ATP7B: variants seen among roughly 807,000 people sequenced by gnomAD.
ATP7B encodes ATPase copper transporting beta, also known as copper-transporting ATPase 2.
A neutral mutation model predicts 118.9 loss-of-function variants in ATP7B; 113 were observed. The observed-to-expected ratio is 0.95, with a 90% CI of 0.82 to 1.11. The LOEUF (loss-of-function observed/expected upper bound fraction) is 1.11, where lower values mean the gene tolerates loss of function less well. Ranked by LOEUF, ATP7B falls within the 50% of genes most tolerant of loss-of-function variation. The probability of loss-of-function intolerance (pLI) is 0.00; values close to 1 mark genes in which losing one functional copy is unlikely to be tolerated. For synonymous variants in ATP7B, 777 were observed against 727.4 expected (o/e 1.07, Z -1.10); for missense variants, 1,867 against 1,871.4 (o/e 1.00, Z 0.04).
intron 1 of ATP7B, among the ~76,000 whole-genome samples, chr13:51,995,077 CTT>C (rs1953136534): frequency 1.3e-5 from 2 of 152,120 alleles, no homozygotes. Flanking sequence ...TTGTGGAAAA[CTT>C]TTGCTTCATA....
chr13:52,001,048 T>C (rs1953469665), intron 1 of ATP7B, among the ~76,000 whole-genome samples: 1 of 152,042 alleles, frequency 6.6e-6, no homozygotes, highest in Non-Finnish European at 1.5e-5. Flanking sequence ...GAATTTAAAA[T>C]TAAAAAGTAA....
At chr13:51,970,847 C>G in intron 2 of ATP7B, 98 bp from the exon 3 acceptor site, 1 of 1,221,562 alleles carries the variant, frequency 8.2e-7, no homozygotes, top group African/African-American at 1.5e-5. Flanking sequence ...TTCATTGTCC[C>G]GGCTCCCACC....
intron 1 of ATP7B, among the ~76,000 whole-genome samples, chr13:51,988,986 C>T (rs537207886): frequency 6.6e-6 from 1 of 152,174 alleles, no homozygotes; most frequent in African/African-American, 2.4e-5. Context: ...AGCAAACCAC[C>T]ATGACACGTG....
Position 52,011,277 on chromosome 13 carries a change from C to G in ATP7B, c.51+10G>C, listed in dbSNP as rs775926866. ...AGCACGCTGCGCGGACGCGGGGGAA[C>G]AAAACTCACTTTCCGACTGGCCCCT... On this transcript the variant is annotated intron_variant, in intron 1 of 20. Coordinates refer to ENST00000242839, the MANE Select transcript of ATP7B (RefSeq NM_000053.4). 1 of 1,614,210 alleles carries G rather than the reference C, an allele frequency of 6.2e-7. No homozygotes were observed. The highest frequency in any genetic ancestry group is 1.1e-5 in the South Asian group (1 of 91,086).
At position 51,960,295 on chromosome 13, in the gene ATP7B, C is replaced by T. The variant is rs1483566898; in HGVS notation, c.1974G>A (p.Leu658=). Residue 658 remains leucine, a synonymous_variant, in exon 7 of 21, where the codon CTG becomes CTA. Coordinates refer to ENST00000242839, the MANE Select transcript of ATP7B (RefSeq NM_000053.4). ...AGGCCATGACAGGGATGCCAAACAC[C>T]AGGCTGCACAGGAAAGACTTCTTCC... The part of the protein sequence containing the change: ...KQWKKSFLCS[L]VFGIPVMALM... 1.2e-6 allele frequency: 2 copies of T among 1,613,598 alleles called. No homozygotes were observed. Among genetic ancestry groups the T allele is most frequent in the Non-Finnish European group, 1.7e-6 (2 of 1,179,866 alleles).
At chr13:51,957,669 T>G in intron 8 of ATP7B, 62 bp from the exon 9 acceptor site, 1 of 1,505,722 alleles carries the variant, frequency 6.6e-7, no homozygotes, top group Non-Finnish European at 9.2e-7. Flanking sequence ...AAACCCAGCC[T>G]GAGAGTCACA....
intron 9 of ATP7B, among the ~76,000 whole-genome samples, chr13:51,953,110 T>C (rs1361268278): frequency 6.6e-6 from 1 of 152,144 alleles, no homozygotes; most frequent in African/African-American, 2.4e-5. Context: ...GTAAATCTGT[T>C]TGGTGGCTGA....
chr13:52,008,135 A>C (rs1367003327), intron 1 of ATP7B, among the ~76,000 whole-genome samples: 1 of 152,172 alleles, frequency 6.6e-6, no homozygotes, highest in Middle Eastern at 3.4e-3. Flanking sequence ...AGATCAAGAG[A>C]TAGAGATGAC....
chr13:51,937,215 A>T (rs1387821778), intron 19 of ATP7B, 61 bp downstream of exon 19: 34 of 1,525,234 alleles, frequency 2.2e-5, no homozygotes, highest in Non-Finnish European at 2.8e-5. Context: ...CCCCAGCAGG[A>T]ACCTGGGAGA....
intron 1 of ATP7B, among the ~76,000 whole-genome samples, chr13:52,010,857 G>A (rs1953992609): frequency 6.6e-6 from 1 of 152,190 alleles, no homozygotes. Flanking sequence ...TTAAAAGACT[G>A]TCTTAATGTA....
intron 9 of ATP7B, among the ~76,000 whole-genome samples, chr13:51,955,316 G>A (rs115418502): frequency 3.3e-5 from 5 of 152,310 alleles, no homozygotes; most frequent in African/African-American, 9.6e-5. Flanking sequence ...CAATCCAGGC[G>A]GCAGTGGGTG....
At chr13:51,988,896 G>A (rs1446837581) in intron 1 of ATP7B, among the ~76,000 whole-genome samples, 3 of 148,920 alleles carry the variant, frequency 2.0e-5, no homozygotes, top group Non-Finnish European at 4.5e-5. Context: ...TCACACACTG[G>A]GGCCTGTCGG....
At chr13:51,966,617 G>C (rs1207202617) in intron 4 of ATP7B, 4 of 743,360 alleles carry the variant, frequency 5.4e-6, no homozygotes, top group African/African-American at 1.8e-5. Context: ...CATAAAATCT[G>C]AATATGTGAT....
In ATP7B at chr13:51,950,063, T is replaced by A. The variant is rs1356458159; in HGVS notation, c.2674A>T (p.Asn892Tyr). ...ACAATCTGAGCCAAAGTGGTGTCAT[T>A]GCCCACGTGGGTAGCTTTAATGAGC... ...SVLIKATHVG[N>Y]DTTLAQIVKL... The change falls in exon 11 of 21, where the codon AAT becomes TAT. Residue 892 changes from asparagine (N) to tyrosine (Y), a missense_variant. Asn to Tyr is a moderately radical substitution (Grantham distance 143). Coordinates refer to ENST00000242839, the MANE Select transcript of ATP7B (RefSeq NM_000053.4). The A allele has an allele frequency of 1.9e-6, 3 of 1,614,216 alleles. No individual in the cohort carries two copies. Among genetic ancestry groups the A allele is most frequent in the Non-Finnish European group, 2.5e-6 (3 of 1,180,032 alleles).
intron 9 of ATP7B, 142 bp downstream of exon 9, chr13:51,957,374 C>G (rs924215485): frequency 1.8e-5 from 16 of 876,678 alleles, no homozygotes; most frequent in African/African-American, 1.3e-4. Context: ...GCTTTCGTAG[C>G]TGGATTGAGA....
intron 15 of ATP7B, among the ~76,000 whole-genome samples, chr13:51,941,774 T>C (rs1957347786): frequency 6.6e-6 from 1 of 152,164 alleles, no homozygotes; most frequent in African/African-American, 2.4e-5. Context: ...GGAAAGGCCA[T>C]CCTGGGGTTT....
chr13:51,937,655 C>A lies in ATP7B; in HGVS notation c.3724G>T (p.Glu1242Ter). 1 of 1,614,284 alleles carries A rather than the reference C, an allele frequency of 6.2e-7. No individual in the cohort carries two copies. Among genetic ancestry groups the A allele is most frequent in the Non-Finnish European group, 8.5e-7 (1 of 1,180,056 alleles). The change falls in exon 18 of 21, where the codon GAG becomes TAG. Residue 1242 changes from glutamate to a stop codon, truncating the protein, a stop_gained. Coordinates refer to ENST00000242839, the MANE Select transcript of ATP7B (RefSeq NM_000053.4). LOFTEE classifies it high-confidence loss of function. ...GCCACCTTGTGCGAAGGCAGCACCT[C>A]TGCAAAGACTTTGTTGATGCCAACC... Reference protein sequence around the residue: ...TQVGINKVFAEVLPSHKVAKV... With the variant: ...TQVGINKVFA
At chr13:51,994,487 T>A (rs1405301189) in intron 1 of ATP7B, among the ~76,000 whole-genome samples, 2 of 152,176 alleles carry the variant, frequency 1.3e-5, no homozygotes, top group South Asian at 4.1e-4. Flanking sequence ...AAAACACTTT[T>A]AATATTTTAA....
At chr13:51,949,282 A>AT (rs1957847759) in intron 12 of ATP7B, among the ~76,000 whole-genome samples, 1 of 152,192 alleles carries the variant, frequency 6.6e-6, no homozygotes, top group African/African-American at 2.4e-5. Flanking sequence ...ATCAAAAGAT[A>AT]TTTTTCTTAA....
Sources: gnomAD v4.1 joint callset for allele counts (sites outside exome capture counted in the v4.1 genomes callset) on GRCh38, gnomAD v4.1.1 for gene constraint, MANE v1.5 for transcripts, NCBI Gene and HGNC (gene_info 2026-07-23, HGNC 2026-07-21) for gene names.